The following CDH20 variants were observed in gnomAD, a reference collection of about 807,000 sequenced individuals.
The protein encoded by CDH20 is cadherin 20.
Under a neutral mutation model 74.2 loss-of-function variants are expected in CDH20, and 29 were observed. That is an observed-to-expected ratio of 0.39 (90% CI 0.29 to 0.53). The LOEUF is 0.53. CDH20 is among the 20% of genes least tolerant of loss of function. CDH20 has a pLI of 0.69. For missense variants in CDH20, 988 were observed against 1,048.3 expected (o/e 0.94, Z 0.79); for synonymous variants, 469 against 405.4 (o/e 1.16, Z -1.88).
At chr18:61,518,173 AG>A (rs1912073987) in intron 6 of CDH20, among the ~76,000 whole-genome samples, 1 of 152,148 alleles carries the variant, frequency 6.6e-6, no homozygotes, top group South Asian at 2.1e-4. Context: ...ACCTGGGGGA[AG>A]GGGTGGCTGT....
At position 61,554,960 on chromosome 18, in the gene CDH20, G is replaced by A; in HGVS notation, c.*265G>A. 4 of 1,317,686 alleles carry A rather than the reference G, an allele frequency of 3.0e-6. No individual in the cohort carries two copies. The highest frequency in any genetic ancestry group is 2.4e-5 in the South Asian group (1 of 42,152). The allele number at this position is 1,317,686 out of a possible 1,614,324, so 81.6% of individuals were successfully genotyped here. ...TTTCTGACACTGTGTGCGAAGGCTT[G>A]GAGTCCAAGGTGTTCTGACAAGGGT... On this transcript the variant is annotated 3_prime_UTR_variant, in exon 12 of 12. Coordinates refer to ENST00000262717, the MANE Select transcript of CDH20 (RefSeq NM_031891.4).
chr18:61,424,707 T>G (rs1186275972), intron 1 of CDH20, among the ~76,000 whole-genome samples: 2 of 152,192 alleles, frequency 1.3e-5, no homozygotes, highest in African/African-American at 4.8e-5. Context: ...GGTAGACTTC[T>G]TAGTATCATT....
chr18:61,506,510 A>T (rs1247499763), intron 5 of CDH20, among the ~76,000 whole-genome samples: 2 of 152,206 alleles, frequency 1.3e-5, no homozygotes, highest in Non-Finnish European at 2.9e-5. Flanking sequence ...CATATTGAAA[A>T]TGTGATTGTG....
chr18:61,464,060 A>T (rs1215745516), intron 1 of CDH20, among the ~76,000 whole-genome samples: 3 of 152,166 alleles, frequency 2.0e-5, no homozygotes, highest in African/African-American at 7.2e-5. Context: ...TACCTTCCCT[A>T]TTAAAAGTAA....
chr18:61,406,177 A>G (rs1912323724), intron 1 of CDH20, among the ~76,000 whole-genome samples: 1 of 152,136 alleles, frequency 6.6e-6, no homozygotes, highest in African/African-American at 2.4e-5. Context: ...ATTTGGGCCC[A>G]TTTTTGTTCA....
At chr18:61,538,602 G>GTTTTTTTTTTTTT (rs1227502362) in intron 8 of CDH20, among the ~76,000 whole-genome samples, 1 of 50,450 alleles carries the variant, frequency 2.0e-5, no homozygotes, top group Non-Finnish European at 3.8e-5. Context: ...GTTTGTTTTT[G>GTTTTTTTTTTTTT]TTTTTGTTTT....
At chr18:61,381,863 G>A (rs145138366) in intron 1 of CDH20, among the ~76,000 whole-genome samples, 1 of 152,216 alleles carries the variant, frequency 6.6e-6, no homozygotes, top group Non-Finnish European at 1.5e-5. Flanking sequence ...CCTCTCAAAA[G>A]TTGTTTCATC....
intron 1 of CDH20, among the ~76,000 whole-genome samples, chr18:61,363,744 TAAAAC>T (rs1397284990): frequency 6.6e-6 from 1 of 152,188 alleles, no homozygotes; most frequent in African/African-American, 2.4e-5. Context: ...TCGTCTTACT[TAAAAC>T]AAGAGTCAGG....
rs542648880 is a variant in CDH20 at position 61,363,685 on chromosome 18, A to G, written c.-153+29858A>G. On this transcript the variant is annotated intron_variant, in intron 1 of 11. Coordinates refer to ENST00000262717, the MANE Select transcript of CDH20 (RefSeq NM_031891.4). ...CTTGTGCTACATGCCAAAAGAGAAT[A>G]GTGACTTACTTATTGCAGATTTATG... 1.3e-3 allele frequency among the ~76,000 whole-genome samples: 201 copies of G among 152,328 alleles called. 1 individual carries two copies. The highest frequency in any genetic ancestry group is 4.6e-3 in the African/African-American group (192 of 41,570).
Position 61,554,795 on chromosome 18 carries a change from A to T in CDH20, c.*100A>T. 6.9e-7 allele frequency: 1 copy of T among 1,442,500 alleles called. No individual in the cohort carries two copies. Among genetic ancestry groups the T allele is most frequent in the Non-Finnish European group, 9.1e-7 (1 of 1,098,868 alleles). The allele number at this position is 1,442,500 out of a possible 1,614,324, so 89.4% of individuals were successfully genotyped here. A position where few individuals can be genotyped will look rare whatever the true frequency, so the allele number is the denominator to read the frequency against. On this transcript the variant is annotated 3_prime_UTR_variant, in exon 12 of 12. Coordinates refer to ENST00000262717, the MANE Select transcript of CDH20 (RefSeq NM_031891.4). ...CCACACGAGCAATACTGTGCTGGAG[A>T]GTGAGAATGGGGGTGAGCAGGCGAA...
intron 5 of CDH20, among the ~76,000 whole-genome samples, chr18:61,506,769 T>C (rs559322977): frequency 5.6e-4 from 86 of 152,306 alleles, no homozygotes; most frequent in African/African-American, 2.0e-3. Flanking sequence ...ATGAAGGGTC[T>C]GTCCATGGAG....
At chr18:61,493,230 A>G (rs1911021369) in intron 2 of CDH20, among the ~76,000 whole-genome samples, 1 of 151,864 alleles carries the variant, frequency 6.6e-6, no homozygotes, top group African/African-American at 2.4e-5. Flanking sequence ...TTTCTGTGCC[A>G]GTTTCTCTCG....
intron 11 of CDH20, among the ~76,000 whole-genome samples, chr18:61,553,393 AG>A (rs1568188452): frequency 6.6e-6 from 1 of 152,102 alleles, no homozygotes; most frequent in Non-Finnish European, 1.5e-5. Context: ...AACACATTCT[AG>A]GGGGGAAAAA....
chr18:61,531,256 C>A (rs1363512483), intron 7 of CDH20, among the ~76,000 whole-genome samples: 1 of 152,196 alleles, frequency 6.6e-6, no homozygotes, highest in Non-Finnish European at 1.5e-5. Flanking sequence ...TGTCAGGGGT[C>A]CTGTGGGTTA....
intron 4 of CDH20, among the ~76,000 whole-genome samples, chr18:61,502,200 G>C (rs1911407212): frequency 6.6e-6 from 1 of 152,178 alleles, no homozygotes. Flanking sequence ...AAACATTACT[G>C]TACAGGCTTG....
chr18:61,396,072 T>TGTGTGTGTGTGTGTGTGTGTG (rs1568123837), intron 1 of CDH20, among the ~76,000 whole-genome samples: 1 of 151,912 alleles, frequency 6.6e-6, no homozygotes, highest in Non-Finnish European at 1.5e-5. Flanking sequence ...TGTGTGTGTG[T>TGTGTGTGTGTGTGTGTGTGTG]TCATGCACGC....
chr18:61,548,992 A>G (rs1159857468), intron 10 of CDH20, among the ~76,000 whole-genome samples: 1 of 152,218 alleles, frequency 6.6e-6, no homozygotes, highest in Non-Finnish European at 1.5e-5. Context: ...ACTCTTTCCT[A>G]TGAAATATGA....
chr18:61,534,195 C>T (rs1912746033), intron 7 of CDH20, among the ~76,000 whole-genome samples: 1 of 152,200 alleles, frequency 6.6e-6, no homozygotes, highest in Non-Finnish European at 1.5e-5. Flanking sequence ...GATATCACCT[C>T]ACAACGTTAG....
intron 1 of CDH20, among the ~76,000 whole-genome samples, chr18:61,449,314 A>G (rs1343531555): frequency 6.6e-6 from 1 of 152,184 alleles, no homozygotes; most frequent in Admixed American, 6.6e-5. Flanking sequence ...GGGAAGGAAT[A>G]AAAACCTTTT....
Sources: gnomAD v4.1 joint callset for allele counts (sites outside exome capture counted in the v4.1 genomes callset) on GRCh38, gnomAD v4.1.1 for gene constraint, MANE v1.5 for transcripts, NCBI Gene and HGNC (gene_info 2026-07-23, HGNC 2026-07-21) for gene names.